Variants in NAPA observed in about 807,000 individuals in gnomAD.
NAPA encodes NSF attachment protein alpha.
NAPA carries 18 observed loss-of-function variants against 48.0 expected under a neutral mutation model. That is an observed-to-expected ratio of 0.38 (90% CI 0.26 to 0.56). The LOEUF is 0.56. Ranked by LOEUF, NAPA falls within the 20% of genes least tolerant of loss-of-function variation. The pLI, the probability that NAPA is intolerant of heterozygous loss-of-function variation, is 0.77. For missense variants in NAPA, 315 were observed against 385.0 expected (o/e 0.82, Z 1.52); for synonymous variants, 152 against 149.9 (o/e 1.01, Z -0.10).
At chr19:47,497,132 AGTGAG>A (rs998536100) in intron 3 of NAPA, 4 of 218,102 alleles carry the variant, frequency 1.8e-5, no homozygotes, top group African/African-American at 9.4e-5. Flanking sequence ...CAGCAGCTGG[AGTGAG>A]GTGAGAGGCC....
intron 3 of NAPA, chr19:47,497,385 A>T (rs946356616): frequency 2.6e-5 from 4 of 152,552 alleles, no homozygotes; most frequent in Non-Finnish European, 5.9e-5. Flanking sequence ...CAGCAGGGAG[A>T]CAGCTTACCC....
chr19:47,503,124 A>G (rs755068568), intron 2 of NAPA, among the ~76,000 whole-genome samples: 6 of 152,248 alleles, frequency 3.9e-5, no homozygotes, highest in Non-Finnish European at 8.8e-5. Flanking sequence ...AGTTACCAGG[A>G]AACCTGAAGT....
intron 2 of NAPA, chr19:47,501,738 T>TCTC (rs144927889): frequency 1.3e-5 from 2 of 152,170 alleles, no homozygotes; most frequent in Non-Finnish European, 2.9e-5. Context: ...CAGCAGCATC[T>TCTC]CTCCTCCTCC....
At chr19:47,505,827 C>T (rs1425571736) in intron 1 of NAPA, among the ~76,000 whole-genome samples, 2 of 152,076 alleles carry the variant, frequency 1.3e-5, no homozygotes, top group Non-Finnish European at 2.9e-5. Flanking sequence ...AAAGCCTACC[C>T]TCTGCCTTCT....
At chr19:47,485,882 G>A (rs1968059767), downstream of NAPA, among the ~76,000 whole-genome samples, 1 of 152,226 alleles carries the variant, frequency 6.6e-6, no homozygotes, top group Admixed American at 6.5e-5. Flanking sequence ...AGTGGCACGT[G>A]GGTCTAGTGC....
At chr19:47,490,305 TGTC>T (rs1230323447) in intron 9 of NAPA, among the ~76,000 whole-genome samples, 4 of 143,344 alleles carry the variant, frequency 2.8e-5, no homozygotes, top group Non-Finnish European at 6.1e-5. Context: ...GTGAGGGGTG[TGTC>T]GTGTGTGTGT....
rs1206174333 is a variant in NAPA, at chr19:47,500,622, G to A, written c.295+11C>T. ...GGACAGCCAGCCCGTGTGGCCCGCA[G>A]AGGCCCTCACCTTGGGGGTCGGCTT... On this transcript the variant is annotated intron_variant, in intron 3 of 10. Transcript: ENST00000263354. 2 of 1,598,154 alleles carry A rather than the reference G, an allele frequency of 1.3e-6. No homozygotes were observed. Among genetic ancestry groups the A allele is most frequent in the Admixed American group, 1.7e-5 (1 of 57,934 alleles).
At position 47,492,137 on chromosome 19, in the gene NAPA, T is replaced by C. The variant is rs776654295; in HGVS notation, c.562-18A>G. On this transcript the variant is annotated intron_variant, in intron 7 of 10. Transcript: ENST00000263354. ...GTCCCCACCTGTAGCCATGGAGAAG[T>C]GGCACTGGTGAGCTCAGGGCAAGCA... 1 of 1,607,508 alleles carries C rather than the reference T, an allele frequency of 6.2e-7. No individual in the cohort carries two copies. The highest frequency in any genetic ancestry group is 8.5e-7 in the Non-Finnish European group (1 of 1,174,720).
At chr19:47,496,993 G>T in intron 3 of NAPA, 1 of 334,526 alleles carries the variant, frequency 3.0e-6, no homozygotes. Flanking sequence ...GGAAACGGTG[G>T]CAAAAAGGGG....
chr19:47,487,520 ATGCATGCGCC>A (rs1327414467), downstream of NAPA: 1 of 152,262 alleles, frequency 6.6e-6, no homozygotes, highest in African/African-American at 2.4e-5. Context: ...TGTTTCAAGG[ATGCATGCGCC>A]TGACCTCCCA....
At chr19:47,492,337 G>T (rs1256631723) in intron 7 of NAPA, 2 of 546,288 alleles carry the variant, frequency 3.7e-6, no homozygotes, top group Non-Finnish European at 6.6e-6. Flanking sequence ...GTGGCTGGGT[G>T]GGGGTGGAGG....
intron 1 of NAPA, among the ~76,000 whole-genome samples, chr19:47,508,496 T>G (rs1044866176): frequency 2.6e-5 from 4 of 152,178 alleles, no homozygotes; most frequent in African/African-American, 9.7e-5. Context: ...AAGAATAAAG[T>G]GTCACAGGCT....
At position 47,488,400 on chromosome 19, in the gene NAPA, A is replaced by G. The variant is rs1327426434; in HGVS notation, c.787-11T>C. 1 of 1,593,566 alleles carries G rather than the reference A, an allele frequency of 6.3e-7. No homozygotes were observed. Among genetic ancestry groups the G allele is most frequent in the South Asian group, 1.1e-5 (1 of 90,636 alleles). ...GTCGTATTCCTTCACCTGAGGGCAC[A>G]CCAGGTGATAGGCTGGCCATGCTCC... On this transcript the variant is annotated splice_polypyrimidine_tract_variant and intron_variant, in intron 10 of 10. Coordinates refer to ENST00000263354, the MANE Select transcript of NAPA (RefSeq NM_003827.4).
intron 8 of NAPA, chr19:47,491,218 G>A (rs12460373): frequency 5.0e-6 from 1 of 198,492 alleles, no homozygotes; most frequent in Non-Finnish European, 1.0e-5. Context: ...AAATGACGGT[G>A]AGCCCCCTTT....
At chr19:47,488,646 G>T (rs1968150455) in intron 10 of NAPA, 1 of 253,344 alleles carries the variant, frequency 3.9e-6, no homozygotes, top group African/African-American at 2.2e-5. Context: ...ATGGCTGGGC[G>T]CAGTAGCTCA....
intron 3 of NAPA, among the ~76,000 whole-genome samples, chr19:47,499,799 A>G (rs1968526733): frequency 6.6e-6 from 1 of 152,268 alleles, no homozygotes; most frequent in African/African-American, 2.4e-5. Context: ...GCACTGCTGC[A>G]AACCTGTCTT....
At chr19:47,513,846 CTTTTTTT>C (rs776314156) in intron 1 of NAPA, among the ~76,000 whole-genome samples, 6 of 115,854 alleles carry the variant, frequency 5.2e-5, no homozygotes, top group Admixed American at 1.8e-4. Context: ...TTCTTTCTTT[CTTTTTTT>C]TTTTTTTTTT....
intron 9 of NAPA, among the ~76,000 whole-genome samples, chr19:47,490,344 GTGA>G (rs1238263489): frequency 6.7e-6 from 1 of 148,222 alleles, no homozygotes; most frequent in Non-Finnish European, 1.5e-5. Flanking sequence ...TGTGTGGTGT[GTGA>G]TGTGTTTGCT....
chr19:47,490,015 G>A (rs1319650171), intron 9 of NAPA, among the ~76,000 whole-genome samples: 1 of 151,966 alleles, frequency 6.6e-6, no homozygotes, highest in Non-Finnish European at 1.5e-5. Flanking sequence ...ATGTGTGTGT[G>A]TGTGGGTATG....
Sources: allele counts gnomAD v4.1 joint callset (sites outside exome capture counted in the v4.1 genomes callset), GRCh38; gene constraint gnomAD v4.1.1; transcripts MANE v1.5; gene names NCBI Gene and HGNC (gene_info 2026-07-23, HGNC 2026-07-21).